Variants in NFRKB observed in about 807,000 individuals in gnomAD.
NFRKB encodes nuclear factor related to kappaB binding protein, also known as nuclear factor related to kappa-B-binding protein.
Under a neutral mutation model 135.7 loss-of-function variants are expected in NFRKB, and 62 were observed. The ratio of observed to expected loss-of-function variants is 0.46; its 90% CI spans 0.37 to 0.56. The LOEUF (loss-of-function observed/expected upper bound fraction) is 0.56. Ranked by LOEUF, NFRKB falls within the 20% of genes least tolerant of loss-of-function variation. NFRKB has a pLI of 0.00. For missense variants in NFRKB, 1,545 were observed against 1,662.0 expected (o/e 0.93, Z 1.22); for synonymous variants, 678 against 635.6 (o/e 1.07, Z -1.00).
At position 129,865,863 on chromosome 11, in the gene NFRKB, G is replaced by C; in HGVS notation, c.3638+14C>G. 1.2e-6 allele frequency: 2 copies of C among 1,613,018 alleles called. No homozygotes were observed. The highest frequency in any genetic ancestry group is 1.3e-5 in the African/African-American group (1 of 75,022). Reference sequence around the variant, plus strand: ...ACCCCCGAATTGGTTCCTTTACCATGACATAGTACTTACTTGGCTCCAAGG... The same window carrying C: ...ACCCCCGAATTGGTTCCTTTACCATCACATAGTACTTACTTGGCTCCAAGG... On this transcript the variant is annotated intron_variant, in intron 25 of 26. Coordinates refer to ENST00000682444, the MANE Select transcript of NFRKB (RefSeq NM_001143835.2).
chr11:129,883,983 G>A, intron 8 of NFRKB, 87 bp downstream of exon 8: 8 of 1,343,388 alleles, frequency 6.0e-6, no homozygotes, highest in Non-Finnish European at 8.6e-6. Flanking sequence ...TACAGACGAG[G>A]CAGTGATGCC....
rs766465398 is a variant in NFRKB at position 129,873,768 on chromosome 11, T to A, written c.2527A>T (p.Thr843Ser). 1 of 1,614,086 alleles carries A rather than the reference T, an allele frequency of 6.2e-7. No homozygotes were observed. The highest frequency in any genetic ancestry group is 1.7e-5 in the Admixed American group (1 of 60,014). Reference sequence around the variant, plus strand: ...ACCTGGGGCACTACTTTGGTCTGTGTGGCAGTGGCTGGAACCCGGATCTGC... The same window carrying A: ...ACCTGGGGCACTACTTTGGTCTGTGAGGCAGTGGCTGGAACCCGGATCTGC... ...GPQIRVPATA[T>S]QTKVVPQTVM... Residue 843 changes from threonine to serine, a missense_variant, in exon 22 of 27, where the codon ACA becomes TCA. Coordinates refer to ENST00000682444, the MANE Select transcript of NFRKB (RefSeq NM_001143835.2).
chr11:129,872,753 T>G, intron 23 of NFRKB, 131 bp downstream of exon 23: 1 of 890,430 alleles, frequency 1.1e-6, no homozygotes, highest in Non-Finnish European at 1.7e-6. Flanking sequence ...CACCTAAGTA[T>G]CTATAAGCTG....
chr11:129,867,279 G>A (rs985219593), intron 24 of NFRKB, among the ~76,000 whole-genome samples: 16 of 150,966 alleles, frequency 1.1e-4, no homozygotes, highest in Middle Eastern at 3.5e-3. Context: ...GCAGTTTCCC[G>A]CTTCCTTATT....
At chr11:129,886,588 G>A (rs925825690) in intron 4 of NFRKB, 144 bp from the exon 5 acceptor site, 1 of 759,920 alleles carries the variant, frequency 1.3e-6, no homozygotes, top group Admixed American at 2.8e-5. Flanking sequence ...GAATCAAGAA[G>A]GAGAACCAAA....
At position 129,864,340 on chromosome 11, in the gene NFRKB, A is replaced by C. The variant is rs1948090170; in HGVS notation, c.*385T>G. 5.5e-6 allele frequency: 1 copy of C among 182,354 alleles called. No homozygotes were observed. Among genetic ancestry groups the C allele is most frequent in the Non-Finnish European group, 1.2e-5 (1 of 86,530 alleles). 11.3% of individuals were successfully genotyped at this position (182,354 alleles called of 1,614,324 possible). On this transcript the variant is annotated 3_prime_UTR_variant, in exon 27 of 27. Transcript: ENST00000682444. ...CTATCCAGACCACTAGTCATGGAGA[A>C]GACCAGAAGCCAAAAAATACAATCC...
chr11:129,883,549 T>C (rs562190260), intron 8 of NFRKB, among the ~76,000 whole-genome samples: 1 of 152,328 alleles, frequency 6.6e-6, no homozygotes, highest in East Asian at 1.9e-4. Flanking sequence ...TCACAGTAAC[T>C]AGAAAAGAGA....
chr11:129,890,743 C>A (rs1316762498), intron 3 of NFRKB, among the ~76,000 whole-genome samples: 1 of 152,138 alleles, frequency 6.6e-6, no homozygotes, highest in African/African-American at 2.4e-5. Flanking sequence ...TTAATGATGA[C>A]AATGACGCAT....
chr11:129,884,353 A>T (rs1314315607), intron 7 of NFRKB, among the ~76,000 whole-genome samples: 2 of 152,152 alleles, frequency 1.3e-5, no homozygotes, highest in Non-Finnish European at 2.9e-5. Context: ...CCTAAAACAC[A>T]CTTAAAGTTC....
At chr11:129,878,440 C>T in intron 14 of NFRKB, 24 bp downstream of exon 14, 1 of 1,612,714 alleles carries the variant, frequency 6.2e-7, no homozygotes, top group South Asian at 1.1e-5. Flanking sequence ...TGAGAAGGAT[C>T]TGGTATTTCT....
Position 129,874,719 on chromosome 11 carries a change from G to T in NFRKB, c.1978+74C>A, listed in dbSNP as rs1183988765. The T allele has an allele frequency of 3.7e-6, 6 of 1,611,590 alleles. No individual in the cohort carries two copies. The highest frequency in any genetic ancestry group is 2.7e-5 in the African/African-American group (2 of 74,862). On this transcript the variant is annotated intron_variant, in intron 19 of 26. Coordinates refer to ENST00000682444, the MANE Select transcript of NFRKB (RefSeq NM_001143835.2). This position sits in a 1 kb window ranked among gnomAD's most constrained non-coding sequence, Gnocchi z 4.5. ...TGTCCTACCTATATGCCAATGAAAA[G>T]AATAATGGAATTGGGGTAGAAAGTC...
At chr11:129,884,942 C>T (rs1565417574) in intron 6 of NFRKB, 96 bp from the exon 7 acceptor site, 4 of 1,582,570 alleles carry the variant, frequency 2.5e-6, no homozygotes, top group African/African-American at 2.7e-5. Context: ...AAGGCTAAGC[C>T]AACAACATGG....
intron 5 of NFRKB, 93 bp from the exon 6 acceptor site, chr11:129,885,702 T>C (rs1343710669): frequency 8.0e-7 from 1 of 1,247,908 alleles, no homozygotes; most frequent in Non-Finnish European, 1.1e-6. Flanking sequence ...TTCTCTTCAG[T>C]GTTAAGCCCA....
chr11:129,890,172 G>A (rs762245515), intron 3 of NFRKB, among the ~76,000 whole-genome samples: 5 of 151,898 alleles, frequency 3.3e-5, no homozygotes, highest in Non-Finnish European at 7.4e-5. Flanking sequence ...TAAGGACAAT[G>A]GAGACCCACT....
At chr11:129,893,156 A>G in intron 2 of NFRKB, 1 of 1,036,018 alleles carries the variant, frequency 9.7e-7, no homozygotes, top group Non-Finnish European at 1.3e-6. Flanking sequence ...AATGAGACTG[A>G]GAATAAATGA....
In NFRKB at chr11:129,878,019, C is replaced by A. The variant is rs147796233; in HGVS notation, c.1511+290G>T. 2.6e-3 allele frequency among the ~76,000 whole-genome samples: 399 copies of A among 152,258 alleles called. 1 individual carries two copies. The highest frequency in any genetic ancestry group is 9.3e-3 in the African/African-American group (388 of 41,548). On this transcript the variant is annotated intron_variant, in intron 15 of 26. Coordinates refer to ENST00000682444, the MANE Select transcript of NFRKB (RefSeq NM_001143835.2). ...ACTAAGATGGCCTAGATGAATAATT[C>A]TCAAGTAGGAGCCCAGGGAGGAGTA...
chr11:129,892,585 G>C lies in NFRKB; in HGVS notation c.135+130C>G, dbSNP rs1392129253. 9 of 892,576 alleles carry C rather than the reference G, an allele frequency of 1.0e-5. No homozygotes were observed. In the Admixed American group the frequency reaches 2.2e-4, roughly 22 times the overall value. The allele number at this position is 892,576 out of a possible 1,614,324, so 55.3% of individuals were successfully genotyped here. A position where few individuals can be genotyped will look rare whatever the true frequency, so the allele number is the denominator to read the frequency against. On this transcript the variant is annotated intron_variant, in intron 3 of 26. Coordinates refer to ENST00000682444, the MANE Select transcript of NFRKB (RefSeq NM_001143835.2). ...ACTTAAAAAAAAGATAAGAGATCAG[G>C]CTGCCTGCAATGTAGAAAATGAACA...
intron 10 of NFRKB, 82 bp from the exon 11 acceptor site, chr11:129,882,276 A>G: frequency 7.3e-7 from 1 of 1,374,800 alleles, no homozygotes; most frequent in Non-Finnish European, 1.0e-6. Context: ...GCCTCCTAGC[A>G]GTCATAAAAG....
intron 3 of NFRKB, among the ~76,000 whole-genome samples, 199 bp downstream of exon 3, chr11:129,892,516 C>G (rs148059603): frequency 6.6e-6 from 1 of 152,020 alleles, no homozygotes; most frequent in East Asian, 1.9e-4. Context: ...ACATGCGGAA[C>G]GTAGCTTGTT....
Sources: gnomAD v4.1 joint callset for allele counts (sites outside exome capture counted in the v4.1 genomes callset) on GRCh38, gnomAD v4.1.1 for gene constraint, Gnocchi (gnomAD v3.1) non-coding constraint, MANE v1.5 for transcripts, NCBI Gene and HGNC (gene_info 2026-07-23, HGNC 2026-07-21) for gene names.